CD5: variants seen among roughly 807,000 people sequenced by gnomAD.
The protein encoded by CD5 is T-cell surface glycoprotein CD5.
Under a neutral mutation model 60.3 loss-of-function variants are expected in CD5, and 36 were observed. That is an observed-to-expected ratio of 0.60 (90% CI 0.46 to 0.79). The LOEUF (loss-of-function observed/expected upper bound fraction) is 0.79, where lower values mean the gene tolerates loss of function less well. CD5 is among the 30% of genes least tolerant of loss of function. The probability of loss-of-function intolerance (pLI) is 0.00; values close to 1 mark genes in which losing one functional copy is unlikely to be tolerated. For missense variants in CD5, 540 were observed against 630.6 expected (o/e 0.86, Z 1.54); for synonymous variants, 230 against 257.6 (o/e 0.89, Z 1.03).
chr11:61,104,414 G>A (rs2134592146), intron 1 of CD5, among the ~76,000 whole-genome samples: 1 of 152,264 alleles, frequency 6.6e-6, no homozygotes, highest in South Asian at 2.1e-4. Flanking sequence ...CCCCCCACCT[G>A]CTCCTCACCT....
intron 5 of CD5, among the ~76,000 whole-genome samples, chr11:61,121,382 T>C (rs1261783515): frequency 6.6e-6 from 1 of 152,240 alleles, no homozygotes. Context: ...CTCAGGATGG[T>C]GCTGGCAGCT....
At chr11:61,102,444 A>AGCACCCCCCCCCCC, upstream of CD5, 1 of 228,794 alleles carries the variant, frequency 4.4e-6, no homozygotes, top group Non-Finnish European at 8.7e-6. Context: ...TCCCCGTCCC[A>AGCACCCCCCCCCCC]CCCCTCCCTG....
intron 2 of CD5, among the ~76,000 whole-genome samples, chr11:61,116,038 C>T (rs999095231): frequency 2.6e-5 from 4 of 152,190 alleles, no homozygotes; most frequent in African/African-American, 4.8e-5. Flanking sequence ...CTCTAACCAG[C>T]CAAGTGCCCT....
intron 6 of CD5, 86 bp from the exon 7 acceptor site, chr11:61,122,821 G>A: frequency 1.4e-6 from 2 of 1,418,250 alleles, no homozygotes; most frequent in Non-Finnish European, 1.9e-6. Context: ...AAGGATGACG[G>A]CGGAAGCCAG....
chr11:61,118,101 G>A lies in CD5; in HGVS notation c.95-74G>A, dbSNP rs914638546. On this transcript the variant is annotated intron_variant, in intron 2 of 10. Transcript: ENST00000347785. The surrounding 1 kb of genome is among the most constrained non-coding windows in gnomAD (Gnocchi z 4.7). ...GGAGGGAGCTCAACTGGGCGTCCTAGGGAGAGGGCAGTGAGGGGTGCCAGT... is the reference window on the plus strand; with the variant it reads ...GGAGGGAGCTCAACTGGGCGTCCTAAGGAGAGGGCAGTGAGGGGTGCCAGT... 5 of 1,493,540 alleles carry A rather than the reference G, an allele frequency of 3.3e-6. No individual in the cohort carries two copies. The East Asian group carries it at 6.8e-5, about 20-fold the overall frequency. 92.5% of individuals were successfully genotyped at this position (1,493,540 alleles called of 1,614,324 possible).
Position 61,102,721 on chromosome 11 carries a change from C to G in CD5, c.55+106C>G, listed in dbSNP as rs899356718. 2.1e-5 allele frequency: 21 copies of G among 997,720 alleles called. 1 individual carries two copies. In the Middle Eastern group the frequency reaches 6.4e-4, roughly 30 times the overall value. 61.8% of individuals were successfully genotyped at this position (997,720 alleles called of 1,614,324 possible). ...TGACTCTGGGATCCACATGTCAGCC[C>G]TCTGGAGCGTTGTGGAGATTTGGGG... On this transcript the variant is annotated intron_variant, in intron 1 of 10. Coordinates refer to ENST00000347785, the MANE Select transcript of CD5 (RefSeq NM_014207.4).
chr11:61,105,209 C>G (rs1372129621), intron 1 of CD5, among the ~76,000 whole-genome samples: 2 of 152,254 alleles, frequency 1.3e-5, no homozygotes, highest in Non-Finnish European at 2.9e-5. Context: ...CCCTCTCAGC[C>G]CCAGCCTGCC....
intron 7 of CD5, 58 bp from the exon 8 acceptor site, chr11:61,123,826 T>G: frequency 1.8e-5 from 5 of 276,690 alleles, no homozygotes; most frequent in Non-Finnish European, 3.2e-5. Context: ...CACCCCTGCC[T>G]GCCCCCACCC....
chr11:61,107,128 C>A (rs567756625), intron 1 of CD5, among the ~76,000 whole-genome samples: 2 of 152,164 alleles, frequency 1.3e-5, no homozygotes, highest in African/African-American at 2.4e-5. Flanking sequence ...GGACCGGAAG[C>A]CTTGGTGGGG....
At chr11:61,102,145 G>C (rs1042165364), upstream of CD5, among the ~76,000 whole-genome samples, 2 of 152,166 alleles carry the variant, frequency 1.3e-5, no homozygotes, top group Admixed American at 1.3e-4. Flanking sequence ...TCCCCACCCA[G>C]ACCCCTGCCT....
intron 1 of CD5, among the ~76,000 whole-genome samples, chr11:61,107,635 T>G (rs1860795678): frequency 6.6e-6 from 1 of 152,180 alleles, no homozygotes; most frequent in Non-Finnish European, 1.5e-5. Flanking sequence ...ACAAGACTTT[T>G]AGATTCTGGA....
At chr11:61,096,085 G>A in the CD5 span, among the ~76,000 whole-genome samples, 4 of 152,242 alleles carry the variant, frequency 2.6e-5, no homozygotes, top group Non-Finnish European at 5.9e-5. Flanking sequence ...CAGGCTAGGC[G>A]AAACGCCGAC....
intron 2 of CD5, 60 bp downstream of exon 2, chr11:61,115,154 A>G (rs1860920490): frequency 1.4e-6 from 2 of 1,476,044 alleles, no homozygotes; most frequent in Non-Finnish European, 1.8e-6. Flanking sequence ...CTGTGGTTTC[A>G]TCAGGCCATC....
intron 8 of CD5, 21 bp from the exon 9 acceptor site, chr11:61,125,011 T>G (rs770951619): frequency 3.1e-6 from 5 of 1,613,808 alleles, no homozygotes; most frequent in Non-Finnish European, 8.5e-7. Context: ...AGTCTGACAC[T>G]GTCTCCTACC....
At chr11:61,120,810 G>C (rs925478648) in intron 5 of CD5, among the ~76,000 whole-genome samples, 4 of 152,210 alleles carry the variant, frequency 2.6e-5, no homozygotes, top group African/African-American at 9.7e-5. Flanking sequence ...GCAGGGGCTG[G>C]CTCGCAGTCC....
chr11:61,123,840 C>T (rs765310899), intron 7 of CD5, 44 bp from the exon 8 acceptor site: 2 of 969,366 alleles, frequency 2.1e-6, no homozygotes, highest in Admixed American at 1.9e-5. Flanking sequence ...CCCACCCATA[C>T]CTGCCCCCAC....
chr11:61,110,336 T>C (rs1860837278), intron 1 of CD5, among the ~76,000 whole-genome samples: 1 of 152,094 alleles, frequency 6.6e-6, no homozygotes, highest in African/African-American at 2.4e-5. Context: ...GCTGCTGAAA[T>C]CCATCAGGAG....
intron 5 of CD5, among the ~76,000 whole-genome samples, chr11:61,120,007 T>G (rs1861033109): frequency 6.6e-6 from 1 of 151,412 alleles, no homozygotes; most frequent in Non-Finnish European, 1.5e-5. Context: ...GCAGCAATGG[T>G]GAGAGGTGGG....
At chr11:61,111,976 A>C (rs968568508) in intron 1 of CD5, among the ~76,000 whole-genome samples, 1 of 152,208 alleles carries the variant, frequency 6.6e-6, no homozygotes, top group African/African-American at 2.4e-5. Flanking sequence ...GGAGGCACAG[A>C]GACAGGACAG....
Sources: gnomAD v4.1 joint callset for allele counts (sites outside exome capture counted in the v4.1 genomes callset) on GRCh38, gnomAD v4.1.1 for gene constraint, Gnocchi (gnomAD v3.1) non-coding constraint, MANE v1.5 for transcripts, NCBI Gene and HGNC (gene_info 2026-07-23, HGNC 2026-07-21) for gene names.